The following AIMP1 variants were observed in gnomAD, a reference collection of about 807,000 sequenced individuals.
AIMP1 encodes aminoacyl tRNA synthase complex-interacting multifunctional protein 1.
AIMP1 carries 24 observed loss-of-function variants against 33.1 expected under a neutral mutation model. The observed-to-expected ratio is 0.73, with a 90% confidence interval of 0.53 to 1.02. AIMP1 has a LOEUF of 1.02. Among genes scored for constraint, AIMP1 ranks in the 50% least tolerant of loss-of-function variants. The pLI is 0.00. For synonymous variants in AIMP1, 120 were observed against 121.5 expected, an observed-to-expected ratio of 0.99 and a Z score of 0.08; for missense variants, 367 against 364.8, an observed-to-expected ratio of 1.01 and a Z score of -0.05.
intron 2 of AIMP1, among the ~76,000 whole-genome samples, chr4:106,326,169 T>C (rs538068853): frequency 3.9e-5 from 6 of 152,198 alleles, no homozygotes; most frequent in Non-Finnish European, 8.8e-5. Flanking sequence ...AGTCTACTCT[T>C]GATTTATGTG....
rs779960633 is a variant in AIMP1 at position 106,316,614 on chromosome 4, G to T, written c.-26+20G>T. 3.9e-5 allele frequency: 60 copies of T among 1,550,698 alleles called. 1 individual carries two copies. The South Asian group carries it at 7.1e-4, about 18-fold the overall frequency. On this transcript the variant is annotated intron_variant, in intron 1 of 6. Coordinates refer to ENST00000672341, the MANE Select transcript of AIMP1 (RefSeq NM_001142416.2). The stretch of plus-strand genomic sequence containing the variant: ...CTTCATGTGAGTGACGTCGTGGCGG[G>T]TCACTCACTCGGGGATCGCCGATTG...
intron 1 of AIMP1, among the ~76,000 whole-genome samples, chr4:106,318,443 G>A (rs866611192): frequency 6.6e-6 from 1 of 152,122 alleles, no homozygotes; most frequent in South Asian, 2.1e-4. Context: ...TACATATCCA[G>A]TAATTAGATT....
chr4:106,316,969 G>C (rs1768951196), intron 1 of AIMP1, among the ~76,000 whole-genome samples: 1 of 152,140 alleles, frequency 6.6e-6, no homozygotes, highest in African/African-American at 2.4e-5. Flanking sequence ...TCCAGACACC[G>C]TTCTAGGCAT....
chr4:106,325,258 A>AGGTAGAAATTCAGG, intron 2 of AIMP1, 140 bp downstream of exon 2: 4 of 789,650 alleles, frequency 5.1e-6, no homozygotes, highest in Non-Finnish European at 5.9e-6. Flanking sequence ...TCAAACCTGA[A>AGGTAGAAATTCAGG]TTTCTACCTT....
chr4:106,336,963 C>T lies in AIMP1; in HGVS notation c.698C>T (p.Pro233Leu). The T allele has an allele frequency of 6.2e-7, 1 of 1,613,990 alleles. No homozygotes were observed. The highest frequency in any genetic ancestry group is 1.7e-4 in the Middle Eastern group (1 of 6,060). Residue 233 changes from proline (P) to leucine (L), a missense_variant, in exon 6 of 7, where the codon CCA becomes CTA. Pro to Leu is a moderately conservative substitution (Grantham distance 98). Transcript: ENST00000672341. ...GCAATGGTCATGTGTGCTAGTTCACCAGAGAAAATTGAAATCTTGGCTCCT... is the reference window on the plus strand; with the variant it reads ...GCAATGGTCATGTGTGCTAGTTCACTAGAGAAAATTGAAATCTTGGCTCCT... ...SQAMVMCASS[P>L]EKIEILAPPN...
Position 106,328,172 on chromosome 4 carries a change from C to T in AIMP1, c.320C>T (p.Ser107Phe). The T allele has an allele frequency of 2.5e-6, 4 of 1,613,234 alleles. No individual in the cohort carries two copies. Among genetic ancestry groups the T allele is most frequent in the Non-Finnish European group, 3.4e-6 (4 of 1,179,542 alleles). Residue 107 changes from serine (S) to phenylalanine (F), a missense_variant, in exon 4 of 7, where the codon TCT becomes TTT. By Grantham distance (155) the Ser-to-Phe change is radical. Coordinates refer to ENST00000672341, the MANE Select transcript of AIMP1 (RefSeq NM_001142416.2). ...IQSTAVTTVSSGTKEQIKGGT... is the reference protein window; with the variant it reads ...IQSTAVTTVSFGTKEQIKGGT... ...TCTACAGCAGTAACAACCGTATCTT[C>T]TGGTACCAAAGAACAGATAAAAGGA...
rs570985761 is a variant in AIMP1, at chr4:106,347,748, T to C, written c.*56T>C. The C allele has an allele frequency of 1.2e-4, 194 of 1,555,786 alleles. 1 individual carries two copies. The Middle Eastern group carries it at 1.3e-3, about 10-fold the overall frequency. On this transcript the variant is annotated 3_prime_UTR_variant, in exon 7 of 7. Transcript: ENST00000672341. ...AAACCTTAAAAGTAATAAAGAGAAATATATTTGTCACTTATACCTAAAATA... is the reference window on the plus strand; with the variant it reads ...AAACCTTAAAAGTAATAAAGAGAAACATATTTGTCACTTATACCTAAAATA...
chr4:106,343,252 G>T (rs562913925), intron 6 of AIMP1, among the ~76,000 whole-genome samples: 1 of 152,142 alleles, frequency 6.6e-6, no homozygotes, highest in Non-Finnish European at 1.5e-5. Flanking sequence ...TTGTATTTCT[G>T]TGGGATTGGT....
rs925627736 is a variant in AIMP1 at position 106,348,949 on chromosome 4, A to G, written c.*1257A>G. 1.6e-4 allele frequency: 24 copies of G among 152,268 alleles called. No homozygotes were observed. Among genetic ancestry groups the G allele is most frequent in the African/African-American group, 5.5e-4 (23 of 41,562 alleles). The allele number at this position is 152,268 out of a possible 1,614,324, so 9.4% of individuals were successfully genotyped here. The stretch of plus-strand genomic sequence containing the variant: ...TAGCTGTCTGAATCCTTCAATAAGA[A>G]GGAGAGGCACACACAAATACACACA... On this transcript the variant is annotated 3_prime_UTR_variant, in exon 7 of 7. Transcript: ENST00000672341.
chr4:106,329,725 A>C (rs1249208263), intron 4 of AIMP1, among the ~76,000 whole-genome samples: 2 of 146,602 alleles, frequency 1.4e-5, no homozygotes, highest in Admixed American at 1.4e-4. Context: ...GATTCTGCTC[A>C]TGCAAGGGCT....
intron 5 of AIMP1, among the ~76,000 whole-genome samples, chr4:106,332,257 T>C (rs1056733689): frequency 3.9e-5 from 6 of 152,016 alleles, no homozygotes; most frequent in African/African-American, 1.4e-4. Flanking sequence ...AATAAAGGAA[T>C]ACTATTAAAA....
In AIMP1 at chr4:106,347,450, A is replaced by G. The variant is rs1311582621; in HGVS notation, c.773-76A>G. 3.0e-6 allele frequency: 4 copies of G among 1,349,972 alleles called. No homozygotes were observed. In the East Asian group the frequency reaches 1.0e-4, roughly 34 times the overall value. 83.6% of individuals were successfully genotyped at this position (1,349,972 alleles called of 1,614,324 possible). The stretch of plus-strand genomic sequence containing the variant: ...ATGTTGCCAAAACAATTCACTGGAA[A>G]TCTCTGTGAATAGTCTCTTTAATAT... On this transcript the variant is annotated intron_variant, in intron 6 of 6. Transcript: ENST00000672341.
At chr4:106,316,254 G>T, upstream of AIMP1, 1 of 308,822 alleles carries the variant, frequency 3.2e-6, no homozygotes, top group Non-Finnish European at 6.1e-6. Flanking sequence ...CACAGCCACC[G>T]CGACCCAACG....
chr4:106,317,429 C>G (rs577833708), intron 1 of AIMP1, among the ~76,000 whole-genome samples: 76 of 152,240 alleles, frequency 5.0e-4, no homozygotes, highest in African/African-American at 1.8e-3. Flanking sequence ...GCGTTTTGAG[C>G]AGTAGAGTGA....
intron 1 of AIMP1, among the ~76,000 whole-genome samples, chr4:106,317,595 A>G (rs1239439482): frequency 6.6e-6 from 1 of 152,210 alleles, no homozygotes; most frequent in Admixed American, 6.5e-5. Context: ...GGCCAGTTAT[A>G]TTCTTGATGC....
chr4:106,327,845 T>G (rs914385685), intron 3 of AIMP1, among the ~76,000 whole-genome samples: 1 of 152,208 alleles, frequency 6.6e-6, no homozygotes, highest in Non-Finnish European at 1.5e-5. Context: ...TTTCTCGGTT[T>G]AGTAATTGAT....
intron 2 of AIMP1, 93 bp downstream of exon 2, chr4:106,325,211 GT>G: frequency 8.2e-7 from 1 of 1,220,006 alleles, no homozygotes; most frequent in Middle Eastern, 2.0e-4. Flanking sequence ...AGTTATTTAA[GT>G]TTTACTTAGA....
chr4:106,318,491 T>C (rs775977920), intron 1 of AIMP1, among the ~76,000 whole-genome samples: 3 of 152,130 alleles, frequency 2.0e-5, no homozygotes. Flanking sequence ...AAGGCAAGAA[T>C]AGGAATGAAG....
chr4:106,347,421 G>C, intron 6 of AIMP1, 105 bp from the exon 7 acceptor site: 1 of 1,136,234 alleles, frequency 8.8e-7, no homozygotes, highest in African/African-American at 1.6e-5. Context: ...CCAAAAATCA[G>C]AAAATGTTGC....
Sources: allele counts gnomAD v4.1 joint callset (sites outside exome capture counted in the v4.1 genomes callset), GRCh38; gene constraint gnomAD v4.1.1; transcripts MANE v1.5; gene names NCBI Gene and HGNC (gene_info 2026-07-23, HGNC 2026-07-21).